Variants in ACOX1 observed in about 807,000 individuals in gnomAD.
ACOX1 encodes peroxisomal acyl-coenzyme A oxidase 1.
In ACOX1, 41 loss-of-function variants were observed where a neutral mutation model predicts 75.5. That is an observed-to-expected ratio of 0.54 (90% confidence interval 0.42 to 0.70). The LOEUF is 0.70. Ranked by LOEUF, ACOX1 falls within the 30% of genes least tolerant of loss-of-function variation. The pLI is 0.00. For missense variants in ACOX1, 630 were observed against 837.5 expected (o/e 0.75, Z 3.06); for synonymous variants, 303 against 298.8 (o/e 1.01, Z -0.15).
intron 2 of ACOX1, among the ~76,000 whole-genome samples, chr17:75,966,338 T>A (rs2065932307): frequency 6.7e-6 from 1 of 149,542 alleles, no homozygotes; most frequent in South Asian, 2.1e-4. Flanking sequence ...ACGCCTGTAA[T>A]CCCAGCTACT....
intron 6 of ACOX1, among the ~76,000 whole-genome samples, chr17:75,954,479 C>T (rs1350011175): frequency 5.6e-5 from 8 of 142,834 alleles, no homozygotes; most frequent in African/African-American, 1.6e-4. Flanking sequence ...GCCAAGATCA[C>T]GCCACTGCAC....
Position 75,948,240 on chromosome 17 carries a change from T to G in ACOX1, c.1935+11A>C. 1 of 1,613,744 alleles carries G rather than the reference T, an allele frequency of 6.2e-7. No individual in the cohort carries two copies. The highest frequency in any genetic ancestry group is 8.5e-7 in the Non-Finnish European group (1 of 1,179,660). On this transcript the variant is annotated intron_variant, in intron 13 of 13. Transcript: ENST00000293217. ...GACTTTTAAAAAGGTGCAGAGACAC[T>G]GGATTTTTACCTCTGCTTTGTTCAG... is the stretch of plus-strand genomic sequence containing the variant.
rs144742319 is a variant in ACOX1, at chr17:75,949,894, G to A, written c.1302C>T (p.Phe434=). 1,138 of 1,614,150 alleles carry A rather than the reference G, an allele frequency of 7.1e-4. 6 individuals carry two copies. The African/African-American group carries it at 0.014, about 20-fold the overall frequency. ...NTVMMLQTAR[F]LMKSYDQVHS... is the part of the protein sequence containing the mutation. ...GCACCTGATCATAACTTTTCATCAGGAACCTAAAAGTCACCAGTAAACATG... is the reference window on the plus strand; with the variant it reads ...GCACCTGATCATAACTTTTCATCAGAAACCTAAAAGTCACCAGTAAACATG... The change falls in exon 10 of 14, where the codon TTC becomes TTT. Residue 434 remains phenylalanine, a synonymous_variant. Coordinates refer to ENST00000293217, the MANE Select transcript of ACOX1 (RefSeq NM_004035.7).
intron 2 of ACOX1, among the ~76,000 whole-genome samples, chr17:75,965,231 G>A (rs183022080): frequency 1.1e-3 from 166 of 151,612 alleles, no homozygotes; most frequent in African/African-American, 3.6e-3. Flanking sequence ...CCAGCTACTC[G>A]GGAGGCTGAG....
intron 10 of ACOX1, 35 bp downstream of exon 10, chr17:75,949,683 C>T (rs1474484352): frequency 1.9e-6 from 3 of 1,614,024 alleles, no homozygotes; most frequent in Non-Finnish European, 1.7e-6. Flanking sequence ...CCCAGCCCCA[C>T]TGCTGCGTAT....
At chr17:75,964,495 A>G (rs764604117) in intron 2 of ACOX1, among the ~76,000 whole-genome samples, 1 of 152,224 alleles carries the variant, frequency 6.6e-6, no homozygotes, top group Non-Finnish European at 1.5e-5. Flanking sequence ...TGTACCACAG[A>G]GTGAAGATGC....
chr17:75,943,781 G>T lies in ACOX1; in HGVS notation c.*2967C>A, dbSNP rs2065695724. Reference sequence around the variant, plus strand: ...ATTTTTAAATACAGAGCATAAAGTAGAACTCCAAACACTTGGGCAAGAAGA... The same window carrying T: ...ATTTTTAAATACAGAGCATAAAGTATAACTCCAAACACTTGGGCAAGAAGA... On this transcript the variant is annotated 3_prime_UTR_variant, in exon 14 of 14. Coordinates refer to ENST00000293217, the MANE Select transcript of ACOX1 (RefSeq NM_004035.7). 6.6e-6 allele frequency: 1 copy of T among 152,120 alleles called. No homozygotes were observed. Among genetic ancestry groups the T allele is most frequent in the Admixed American group, 6.6e-5 (1 of 15,252 alleles). The allele number at this position is 152,120 out of a possible 1,614,324, so 9.4% of individuals were successfully genotyped here.
At position 75,978,861 on chromosome 17, in the gene ACOX1, A is replaced by C. The variant is rs1292827664; in HGVS notation, c.109+104T>G. ...CGAAGTGGGGGTCCCGGCTCCCCTA[A>C]CGCTGGGCCAGAGGGCCTAGGCCCC... On this transcript the variant is annotated intron_variant, in intron 1 of 13. Transcript: ENST00000293217. The surrounding 1 kb of genome is among the most constrained non-coding windows in gnomAD (Gnocchi z 4.2). 3.1e-6 allele frequency: 5 copies of C among 1,598,032 alleles called. No homozygotes were observed. The African/African-American group carries it at 6.7e-5, about 21-fold the overall frequency.
At chr17:75,967,669 T>C (rs866449532) in intron 2 of ACOX1, among the ~76,000 whole-genome samples, 2 of 96,294 alleles carry the variant, frequency 2.1e-5, no homozygotes, top group African/African-American at 1.4e-4. Flanking sequence ...TACATATATA[T>C]ACATATATAT....
chr17:75,954,732 C>T (rs139072077), intron 6 of ACOX1, among the ~76,000 whole-genome samples: 5,941 of 150,406 alleles, frequency 0.039, 138 homozygotes, highest in Middle Eastern at 0.11. Context: ...CCATCACACC[C>T]GGCTAATCTT....
intron 2 of ACOX1, among the ~76,000 whole-genome samples, chr17:75,975,145 G>T (rs1176509043): frequency 6.6e-6 from 1 of 150,954 alleles, no homozygotes; most frequent in Non-Finnish European, 1.5e-5. Flanking sequence ...GTACTACACG[G>T]TTATCCCCGC....
rs1250238647 is a variant in ACOX1 at position 75,968,770 on chromosome 17, A to G, written c.270-8395T>C. ...AAACCCCGTCTCTACTAAAAATACAAAAGTAGCCGGGCGTGGTGGCGCATG... is the reference window on the plus strand; with the variant it reads ...AAACCCCGTCTCTACTAAAAATACAGAAGTAGCCGGGCGTGGTGGCGCATG... On this transcript the variant is annotated intron_variant, in intron 2 of 13. Transcript: ENST00000293217. Among the ~76,000 whole-genome samples the G allele has an allele frequency of 1.1e-4, 17 of 151,580 alleles. No homozygotes were observed. The East Asian group carries it at 3.1e-3, about 28-fold the overall frequency.
chr17:75,976,818 A>G (rs2066054405), intron 2 of ACOX1, among the ~76,000 whole-genome samples: 1 of 152,062 alleles, frequency 6.6e-6, no homozygotes, highest in African/African-American at 2.4e-5. Flanking sequence ...GTTCTAGTCT[A>G]TACACCACTC....
At chr17:75,952,563 A>G (rs9674966) in intron 7 of ACOX1, among the ~76,000 whole-genome samples, 71,343 of 151,858 alleles carry the variant, frequency 0.47, 20,914 homozygotes, top group African/African-American at 0.84. Context: ...CAAAGTGCTG[A>G]GATTACAGGC....
chr17:75,948,505 T>C (rs2065743148), intron 12 of ACOX1, 48 bp from the exon 13 acceptor site: 3 of 1,485,244 alleles, frequency 2.0e-6, no homozygotes, highest in African/African-American at 1.4e-5. Flanking sequence ...TGTATATAGA[T>C]AGACATAATT....
chr17:75,959,208 C>A (rs901068836), intron 3 of ACOX1, among the ~76,000 whole-genome samples: 11 of 152,294 alleles, frequency 7.2e-5, no homozygotes, highest in Middle Eastern at 6.8e-3. Context: ...AGTTGAATAA[C>A]CAACTTATGT....
chr17:75,960,829 T>A lies in ACOX1; in HGVS notation c.270-454A>T, dbSNP rs895488496. Among the ~76,000 whole-genome samples the A allele has an allele frequency of 2.4e-4, 37 of 151,116 alleles. No homozygotes were observed. The East Asian group carries it at 6.8e-3, about 28-fold the overall frequency. ...CCTGACTCTACTAAAAATACAAAAA[T>A]CAGCTGAACGTGGTGGCGCCAGCCA... On this transcript the variant is annotated intron_variant, in intron 2 of 13. Coordinates refer to ENST00000293217, the MANE Select transcript of ACOX1 (RefSeq NM_004035.7). The surrounding 1 kb of genome is among the most constrained non-coding windows in gnomAD (Gnocchi z 4.4).
rs1290257198 is a variant in ACOX1 at position 75,943,824 on chromosome 17, C to G, written c.*2924G>C. 6.6e-6 allele frequency: 1 copy of G among 152,120 alleles called. No homozygotes were observed. The highest frequency in any genetic ancestry group is 2.4e-5 in the African/African-American group (1 of 41,414). 9.4% of individuals were successfully genotyped at this position (152,120 alleles called of 1,614,324 possible). ...CAAGAAGAAAATCCATTGCAAATAG[C>G]CAACACATTTCTATTAAACCTCACA... On this transcript the variant is annotated 3_prime_UTR_variant, in exon 14 of 14. Coordinates refer to ENST00000293217, the MANE Select transcript of ACOX1 (RefSeq NM_004035.7).
intron 2 of ACOX1, among the ~76,000 whole-genome samples, chr17:75,977,882 C>A (rs1215415571): frequency 1.3e-5 from 2 of 152,054 alleles, no homozygotes; most frequent in Non-Finnish European, 2.9e-5. Flanking sequence ...GTCCTCCTTA[C>A]AAAGAGCAAA....
Sources: gnomAD v4.1 joint callset for allele counts (sites outside exome capture counted in the v4.1 genomes callset) on GRCh38, gnomAD v4.1.1 for gene constraint, Gnocchi (gnomAD v3.1) non-coding constraint, MANE v1.5 for transcripts, NCBI Gene and HGNC (gene_info 2026-07-23, HGNC 2026-07-21) for gene names.